The following CAPSL variants were observed in gnomAD, a reference collection of about 807,000 sequenced individuals.
CAPSL encodes the protein calcyphosin-like protein.
Under a neutral mutation model 21.3 loss-of-function variants are expected in CAPSL, and 17 were observed. That is an observed-to-expected ratio of 0.80 (90% confidence interval 0.55 to 1.20). The LOEUF (loss-of-function observed/expected upper bound fraction) is 1.20. Ranked by LOEUF, CAPSL falls within the 50% of genes most tolerant of loss-of-function variation. The probability of loss-of-function intolerance (pLI) is 0.00; values close to 1 mark genes in which losing one functional copy is unlikely to be tolerated. For synonymous variants in CAPSL, 102 were observed against 89.3 expected (o/e 1.14, Z -0.80); for missense variants, 289 against 259.3 (o/e 1.11, Z -0.79).
intron 2 of CAPSL, among the ~76,000 whole-genome samples, chr5:35,919,598 A>G (rs1738483800): frequency 6.6e-6 from 1 of 152,168 alleles, no homozygotes; most frequent in Admixed American, 6.5e-5. Flanking sequence ...GACAGGATTT[A>G]TGGGAAAGAA....
At chr5:35,904,750 T>C (rs1308838864) in intron 4 of CAPSL, 104 bp from the exon 5 acceptor site, 1 of 1,510,640 alleles carries the variant, frequency 6.6e-7, no homozygotes, top group Non-Finnish European at 8.9e-7. Context: ...GAGGATTTCT[T>C]TGTGTATGTG....
chr5:35,919,305 G>C (rs1204852131), intron 2 of CAPSL, among the ~76,000 whole-genome samples: 1 of 151,688 alleles, frequency 6.6e-6, no homozygotes, highest in African/African-American at 2.4e-5. Flanking sequence ...GATAAATTAA[G>C]GATACTAGCA....
At chr5:35,929,774 G>A (rs1738775731) in intron 1 of CAPSL, among the ~76,000 whole-genome samples, 1 of 152,134 alleles carries the variant, frequency 6.6e-6, no homozygotes, top group African/African-American at 2.4e-5. Flanking sequence ...GGACCGGAGT[G>A]CAGAGCAAAT....
chr5:35,904,679 C>G, intron 4 of CAPSL, 33 bp from the exon 5 acceptor site: 4 of 1,609,716 alleles, frequency 2.5e-6, no homozygotes, highest in Admixed American at 3.4e-5. Context: ...AAAAACGAAA[C>G]TTTGCTTCTC....
At chr5:35,937,518 T>C (rs1738981915) in intron 1 of CAPSL, among the ~76,000 whole-genome samples, 1 of 152,160 alleles carries the variant, frequency 6.6e-6, no homozygotes, top group African/African-American at 2.4e-5. Context: ...CACCCATCCT[T>C]CCATGATCAT....
chr5:35,904,923 G>A (rs1005886815), intron 4 of CAPSL, among the ~76,000 whole-genome samples: 12 of 152,138 alleles, frequency 7.9e-5, no homozygotes, highest in South Asian at 2.1e-4. Flanking sequence ...GTGGGAGCCC[G>A]TCGGTTCAGG....
At chr5:35,922,037 C>G (rs1011215544) in intron 1 of CAPSL, among the ~76,000 whole-genome samples, 1 of 149,040 alleles carries the variant, frequency 6.7e-6, no homozygotes, top group African/African-American at 2.5e-5. Flanking sequence ...GCAAGAGGCT[C>G]GAAGGATGTG....
intron 2 of CAPSL, among the ~76,000 whole-genome samples, chr5:35,914,451 A>G (rs1490203956): frequency 6.6e-6 from 1 of 152,226 alleles, no homozygotes; most frequent in Non-Finnish European, 1.5e-5. Flanking sequence ...TTGACCACAT[A>G]ATTGGAAGTA....
chr5:35,924,709 G>A (rs1330783591), intron 1 of CAPSL, among the ~76,000 whole-genome samples: 2 of 152,216 alleles, frequency 1.3e-5, no homozygotes, highest in Non-Finnish European at 1.5e-5. Flanking sequence ...GGAATAGAGT[G>A]TGGGAGTGTG....
chr5:35,912,628 A>C (rs1476056893), intron 2 of CAPSL, among the ~76,000 whole-genome samples: 1 of 152,262 alleles, frequency 6.6e-6, no homozygotes, highest in Non-Finnish European at 1.5e-5. Context: ...AGCAAACTCC[A>C]ACAGACCTGC....
rs1469362701 is a variant in CAPSL at position 35,938,529 on chromosome 5, A to G, written c.-1+12T>C. On this transcript the variant is annotated intron_variant, in intron 1 of 4. Coordinates refer to ENST00000651391, the MANE Select transcript of CAPSL (RefSeq NM_001042625.2). ...ACATTAAATCATAGAATAGATAAAAACATTGATTTACCTTAAATGCTAACC... is the reference window on the plus strand; with the variant it reads ...ACATTAAATCATAGAATAGATAAAAGCATTGATTTACCTTAAATGCTAACC... 1 of 152,920 alleles carries G rather than the reference A, an allele frequency of 6.5e-6. No individual in the cohort carries two copies. The highest frequency in any genetic ancestry group is 1.5e-5 in the Non-Finnish European group (1 of 68,018). 9.5% of individuals were successfully genotyped at this position (152,920 alleles called of 1,614,324 possible).
Position 35,919,170 on chromosome 5 carries a change from A to AAAAATATATAT in CAPSL, c.137+1813_137+1814insATATATATTTT, listed in dbSNP as rs754098152. On this transcript the variant is annotated intron_variant, in intron 2 of 4. Coordinates refer to ENST00000651391, the MANE Select transcript of CAPSL (RefSeq NM_001042625.2). ...AGTATCTTTCCTGATTAAAAAAAAA[A>AAAAATATATAT]ATATATATATATATATATATAAAAA... Among the ~76,000 whole-genome samples the AAAAATATATAT allele has an allele frequency of 1.2e-4, 14 of 121,276 alleles. No individual in the cohort carries two copies. The South Asian group carries it at 1.8e-3, about 16-fold the overall frequency. The allele number at this position is 121,276 out of a possible 152,430, so 79.6% of individuals were successfully genotyped here. A position where few individuals can be genotyped will look rare whatever the true frequency, so the allele number is the denominator to read the frequency against.
At chr5:35,937,887 C>T (rs1738994188) in intron 1 of CAPSL, among the ~76,000 whole-genome samples, 1 of 150,322 alleles carries the variant, frequency 6.7e-6, no homozygotes, top group African/African-American at 2.5e-5. Context: ...GGTTTAAATA[C>T]TCCCCAGACT....
At chr5:35,925,008 C>G (rs868245535) in intron 1 of CAPSL, among the ~76,000 whole-genome samples, 1 of 152,226 alleles carries the variant, frequency 6.6e-6, no homozygotes, top group African/African-American at 2.4e-5. Flanking sequence ...CCTTAAAGAT[C>G]CGGTGTGGTG....
intron 2 of CAPSL, among the ~76,000 whole-genome samples, chr5:35,916,458 A>G (rs1224598859): frequency 2.0e-5 from 3 of 152,222 alleles, no homozygotes; most frequent in African/African-American, 7.2e-5. Context: ...ACCTGACTTC[A>G]AACTATACTA....
At chr5:35,915,078 A>C (rs1212110163) in intron 2 of CAPSL, among the ~76,000 whole-genome samples, 2 of 152,246 alleles carry the variant, frequency 1.3e-5, no homozygotes, top group Non-Finnish European at 2.9e-5. Context: ...AATACTATAA[A>C]CACTTCTATG....
rs190973698 is a variant in CAPSL at position 35,929,569 on chromosome 5, G to A, written c.1-8449C>T. Among the ~76,000 whole-genome samples, 400 of 152,268 alleles carry A rather than the reference G, an allele frequency of 2.6e-3. 2 individuals are homozygous for A. Among genetic ancestry groups the A allele is most frequent in the African/African-American group, 9.4e-3 (391 of 41,530 alleles). On this transcript the variant is annotated intron_variant, in intron 1 of 4. Transcript: ENST00000651391. ...GCCTCACAATGCTGGGATTACAGGCGTAAGCCACCACGCCCGGCCTTGAAA... is the reference window on the plus strand; with the variant it reads ...GCCTCACAATGCTGGGATTACAGGCATAAGCCACCACGCCCGGCCTTGAAA...
intron 4 of CAPSL, among the ~76,000 whole-genome samples, chr5:35,908,597 G>A (rs1172958646): frequency 3.3e-5 from 5 of 152,176 alleles, no homozygotes; most frequent in Non-Finnish European, 2.9e-5. Flanking sequence ...GCTAATTTGG[G>A]GAAATGGCAG....
chr5:35,920,943 C>A, intron 2 of CAPSL, 41 bp downstream of exon 2: 5 of 1,599,940 alleles, frequency 3.1e-6, no homozygotes, highest in Non-Finnish European at 4.3e-6. Flanking sequence ...CAGAGTCATT[C>A]CTTCCCGCTC....
Sources: gnomAD v4.1 joint callset for allele counts (sites outside exome capture counted in the v4.1 genomes callset) on GRCh38, gnomAD v4.1.1 for gene constraint, MANE v1.5 for transcripts, NCBI Gene and HGNC (gene_info 2026-07-23, HGNC 2026-07-21) for gene names.